Variants in BNIP2 observed in about 807,000 individuals in gnomAD.
BNIP2 encodes BCL2 interacting protein 2.
Under a neutral mutation model 43.4 loss-of-function variants are expected in BNIP2, and 36 were observed. The ratio of observed to expected loss-of-function variants is 0.83; its 90% CI spans 0.64 to 1.10. The LOEUF is 1.10. BNIP2 is among the 50% of genes least tolerant of loss of function. The pLI is 0.00. For missense variants in BNIP2, 417 were observed against 374.1 expected (o/e 1.11, Z -0.95); for synonymous variants, 146 against 121.0 (o/e 1.21, Z -1.35).
At chr15:59,674,402 C>T (rs1179027470) in intron 5 of BNIP2, among the ~76,000 whole-genome samples, 1 of 152,052 alleles carries the variant, frequency 6.6e-6, no homozygotes, top group South Asian at 2.1e-4. Flanking sequence ...AAAAAAAGTG[C>T]TATTTCTGAA....
chr15:59,686,053 G>A (rs1212289131), intron 1 of BNIP2, among the ~76,000 whole-genome samples: 1 of 152,188 alleles, frequency 6.6e-6, no homozygotes, highest in African/African-American at 2.4e-5. Context: ...TTGACTCTTG[G>A]TAGTGGTGGC....
intron 4 of BNIP2, chr15:59,678,765 G>A (rs1190934238): frequency 3.1e-6 from 4 of 1,295,042 alleles, no homozygotes; most frequent in South Asian, 1.3e-5. Flanking sequence ...TGGGGGGAGG[G>A]GGAAACCTAC....
At chr15:59,665,609 C>CA (rs1278120794) in intron 9 of BNIP2, among the ~76,000 whole-genome samples, 6 of 151,424 alleles carry the variant, frequency 4.0e-5, no homozygotes, top group African/African-American at 1.2e-4. Context: ...GACCCTGTCT[C>CA]AAAAAAACAA....
intron 1 of BNIP2, 107 bp from the exon 2 acceptor site, chr15:59,682,621 G>C (rs958169211): frequency 6.1e-6 from 5 of 815,084 alleles, no homozygotes; most frequent in Non-Finnish European, 8.9e-6. Context: ...TAGTACAATG[G>C]TCTGGTCATG....
chr15:59,669,199 T>C (rs1207429529), intron 8 of BNIP2, 77 bp downstream of exon 8: 5 of 1,137,312 alleles, frequency 4.4e-6, no homozygotes, highest in Non-Finnish European at 5.0e-6. Context: ...CCCATAAGTA[T>C]GTATAGTTAT....
At position 59,689,119 on chromosome 15, in the gene BNIP2, C is replaced by G; in HGVS notation, c.-58+16G>C. ...CTCCGGAGCCACCGTGCCGAGTTCT[C>G]CCAGGCCGCACTCACCCCGGAGGAA... On this transcript the variant is annotated intron_variant, in intron 1 of 9. Coordinates refer to ENST00000607373, the MANE Select transcript of BNIP2 (RefSeq NM_004330.4). The G allele has an allele frequency of 6.5e-7, 1 of 1,533,508 alleles. No individual in the cohort carries two copies. The highest frequency in any genetic ancestry group is 2.5e-5 in the East Asian group (1 of 40,796). The allele number at this position is 1,533,508 out of a possible 1,614,324, so 95.0% of individuals were successfully genotyped here. A position where few individuals can be genotyped will look rare whatever the true frequency, so the allele number is the denominator to read the frequency against.
intron 2 of BNIP2, among the ~76,000 whole-genome samples, chr15:59,681,560 T>A (rs1402751562): frequency 6.6e-6 from 1 of 152,006 alleles, no homozygotes; most frequent in East Asian, 1.9e-4. Flanking sequence ...GTGATTCTTG[T>A]GCCTCTGCCT....
At chr15:59,678,227 G>A (rs1448195688) in intron 4 of BNIP2, 140 bp from the exon 5 acceptor site, 7 of 1,392,392 alleles carry the variant, frequency 5.0e-6, no homozygotes, top group South Asian at 1.7e-5. Context: ...TTCCATAAAG[G>A]AGGAAAAGGC....
chr15:59,675,581 T>C (rs1893229489), intron 5 of BNIP2, among the ~76,000 whole-genome samples: 1 of 152,308 alleles, frequency 6.6e-6, no homozygotes, highest in Non-Finnish European at 1.5e-5. Context: ...CACTCCAGCC[T>C]GGGTGACAGA....
At chr15:59,675,021 C>A (rs891836272) in intron 5 of BNIP2, among the ~76,000 whole-genome samples, 1 of 149,348 alleles carries the variant, frequency 6.7e-6, no homozygotes, top group Non-Finnish European at 1.5e-5. Context: ...GAGGCTGAGG[C>A]GGGCAGATCA....
rs2306356 is a variant in BNIP2, at chr15:59,679,394, G to C, written c.295+198C>G. 1.3e-3 allele frequency: 576 copies of C among 458,118 alleles called. 11 individuals carry two copies. In the East Asian group the frequency reaches 0.022, roughly 17 times the overall value. The allele number at this position is 458,118 out of a possible 1,614,324, so 28.4% of individuals were successfully genotyped here. On this transcript the variant is annotated intron_variant, in intron 4 of 9. Coordinates refer to ENST00000607373, the MANE Select transcript of BNIP2 (RefSeq NM_004330.4). ...TGAAACAGCTATGAAAAAAACATGA[G>C]AGCAGTGGGCAAATAAGAGGGGAAA...
In BNIP2 at chr15:59,679,445, A is replaced by G. The variant is rs373616198; in HGVS notation, c.295+147T>C. The G allele has an allele frequency of 6.8e-5, 64 of 942,808 alleles. 1 individual carries two copies. The highest frequency in any genetic ancestry group is 6.3e-4 in the East Asian group (22 of 34,870). 58.4% of individuals were successfully genotyped at this position (942,808 alleles called of 1,614,324 possible). A position where few individuals can be genotyped will look rare whatever the true frequency, so the allele number is the denominator to read the frequency against. On this transcript the variant is annotated intron_variant, in intron 4 of 9. Coordinates refer to ENST00000607373, the MANE Select transcript of BNIP2 (RefSeq NM_004330.4). The stretch of plus-strand genomic sequence containing the variant: ...AAAGCCACTGGTGTACTCTATACAC[A>G]CTTTTTAAGTCCTTGAGAATATTCA...
intron 5 of BNIP2, among the ~76,000 whole-genome samples, chr15:59,674,477 G>A (rs1311860978): frequency 2.6e-5 from 4 of 152,330 alleles, no homozygotes; most frequent in East Asian, 3.9e-4. Flanking sequence ...GCTGAATAAT[G>A]TATGTCTGTG....
chr15:59,680,841 T>C (rs1893621906), intron 2 of BNIP2, among the ~76,000 whole-genome samples: 1 of 152,182 alleles, frequency 6.6e-6, no homozygotes, highest in Non-Finnish European at 1.5e-5. Context: ...AAGCAATCCT[T>C]CTGCCTCGGC....
In BNIP2 at chr15:59,661,892, G is replaced by A. The variant is rs1892295983; in HGVS notation, c.*2177C>T. The A allele has an allele frequency of 6.6e-6, 1 of 152,038 alleles. No individual in the cohort carries two copies. The highest frequency in any genetic ancestry group is 1.5e-5 in the Non-Finnish European group (1 of 68,002). 9.4% of individuals were successfully genotyped at this position (152,038 alleles called of 1,614,324 possible). On this transcript the variant is annotated 3_prime_UTR_variant, in exon 10 of 10. Coordinates refer to ENST00000607373, the MANE Select transcript of BNIP2 (RefSeq NM_004330.4). ...ACATCTCTATACCAGATTCCATTAA[G>A]GTGCAGGTTAAAGCAGGTATCCCTT...
intron 9 of BNIP2, among the ~76,000 whole-genome samples, chr15:59,664,841 T>G (rs1421367052): frequency 1.3e-5 from 2 of 152,246 alleles, no homozygotes; most frequent in Non-Finnish European, 2.9e-5. Flanking sequence ...GGCCACCAAT[T>G]ATCAATCAAT....
chr15:59,664,344 G>T (rs1304273166), intron 9 of BNIP2, among the ~76,000 whole-genome samples: 2 of 152,044 alleles, frequency 1.3e-5, no homozygotes, highest in Non-Finnish European at 2.9e-5. Flanking sequence ...TTTCTTTAAA[G>T]ATTATAAAAT....
At chr15:59,672,962 CAAAA>C (rs1168056934) in intron 5 of BNIP2, among the ~76,000 whole-genome samples, 2 of 151,886 alleles carry the variant, frequency 1.3e-5, no homozygotes, top group African/African-American at 4.8e-5. Flanking sequence ...ACAGAAAAAA[CAAAA>C]AAACCCAAGA....
In BNIP2 at chr15:59,661,135, A is replaced by C. The variant is rs1174933715; in HGVS notation, c.*2934T>G. ...CAGATCATGAGGTCAGGAGTTCGAG[A>C]CCAGCCTAGCATGGCGAAACCCCGT... is the stretch of plus-strand genomic sequence containing the variant. On this transcript the variant is annotated 3_prime_UTR_variant, in exon 10 of 10. Transcript: ENST00000607373. 6.6e-6 allele frequency: 1 copy of C among 152,066 alleles called. No individual in the cohort carries two copies. The highest frequency in any genetic ancestry group is 1.5e-5 in the Non-Finnish European group (1 of 68,068). 9.4% of individuals were successfully genotyped at this position (152,066 alleles called of 1,614,324 possible). A position where few individuals can be genotyped will look rare whatever the true frequency, so the allele number is the denominator to read the frequency against.
Sources: gnomAD v4.1 joint callset for allele counts (sites outside exome capture counted in the v4.1 genomes callset) on GRCh38, gnomAD v4.1.1 for gene constraint, MANE v1.5 for transcripts, NCBI Gene and HGNC (gene_info 2026-07-23, HGNC 2026-07-21) for gene names.